The following ANK1 variants were observed in gnomAD, a reference collection of about 807,000 sequenced individuals.
ANK1 encodes ankyrin 1, also known as ankyrin-1.
ANK1 carries 51 observed loss-of-function variants against 210.4 expected under a neutral mutation model. That is an observed-to-expected ratio of 0.24 (90% CI 0.19 to 0.31). ANK1 has a LOEUF of 0.31. Ranked by LOEUF, ANK1 falls within the 10% of genes least tolerant of loss-of-function variation. The pLI is 1.00. For missense variants in ANK1, 2,051 were observed against 2,504.4 expected, an observed-to-expected ratio of 0.82 and a Z score of 3.86; for synonymous variants, 967 against 1,025.9, an observed-to-expected ratio of 0.94 and a Z score of 1.10.
intron 1 of ANK1, among the ~76,000 whole-genome samples, chr8:41,871,782 A>G (rs10102675): frequency 0.19 from 28,394 of 152,234 alleles, 5,551 homozygotes; most frequent in African/African-American, 0.49. Flanking sequence ...GACGCCATGC[A>G]TCTCAGCTCT....
chr8:41,690,092 C>G, intron 33 of ANK1, 135 bp downstream of exon 33: 2 of 1,419,706 alleles, frequency 1.4e-6, no homozygotes, highest in Non-Finnish European at 1.9e-6. Context: ...GAGCTCAGCA[C>G]CTTTGCATGC....
chr8:41,709,052 A>G, intron 16 of ANK1, 77 bp from the exon 17 acceptor site: 1 of 1,577,244 alleles, frequency 6.3e-7, no homozygotes, highest in Non-Finnish European at 8.7e-7. Flanking sequence ...GCAGGGGCTG[A>G]GTCTGGTTCT....
At chr8:41,759,427 A>T in intron 1 of ANK1, among the ~76,000 whole-genome samples, 1 of 151,922 alleles carries the variant, frequency 6.6e-6, no homozygotes, top group Non-Finnish European at 1.5e-5. Flanking sequence ...AATCGCTTGA[A>T]CCCGGGAGGT....
At chr8:41,727,669 C>T (rs899469302) in intron 4 of ANK1, among the ~76,000 whole-genome samples, 7 of 152,236 alleles carry the variant, frequency 4.6e-5, no homozygotes, top group Admixed American at 1.3e-4. Flanking sequence ...ACTGGACATA[C>T]TATTTGGCTT....
chr8:41,732,261 CGTGTAATATATACCAA>C (rs1252384799), intron 3 of ANK1, among the ~76,000 whole-genome samples: 1 of 151,592 alleles, frequency 6.6e-6, no homozygotes, highest in African/African-American at 2.4e-5. Flanking sequence ...TGTGAGACCA[CGTGTAATATATACCAA>C]AAGGAAAATA....
chr8:41,657,262 G>A (rs890519285), intron 42 of ANK1, among the ~76,000 whole-genome samples: 3 of 152,162 alleles, frequency 2.0e-5, no homozygotes, highest in African/African-American at 4.8e-5. Context: ...CATGAACTCT[G>A]GAGCCAGACC....
chr8:41,696,811 C>T, intron 24 of ANK1, 38 bp from the exon 25 acceptor site: 1 of 1,567,100 alleles, frequency 6.4e-7, no homozygotes, highest in Non-Finnish European at 8.7e-7. Context: ...CCCACCTCCT[C>T]CCGGGCCAGC....
At chr8:41,661,746 G>C in intron 41 of ANK1, 130 bp downstream of exon 41, 1 of 1,608,282 alleles carries the variant, frequency 6.2e-7, no homozygotes, top group Non-Finnish European at 8.5e-7. Flanking sequence ...CGGCCCGGCA[G>C]AGCAAGGCAG....
At chr8:41,874,623 A>G (rs1357377061) in intron 1 of ANK1, among the ~76,000 whole-genome samples, 1 of 152,192 alleles carries the variant, frequency 6.6e-6, no homozygotes, top group African/African-American at 2.4e-5. Context: ...AAGGTGTGCT[A>G]ACAAGGAGGT....
rs981603404 is a variant in ANK1 at position 41,686,351 on chromosome 8, C to A, written c.4259-68G>T. On this transcript the variant is annotated intron_variant, in intron 35 of 42. Transcript: ENST00000289734. ...CCAACAGCAGGGGGCCTCCAGCACA[C>A]AGGCTGGGTGGGCACTGGGGCGTGG... The A allele has an allele frequency of 3.9e-4, 621 of 1,605,804 alleles. 6 individuals are homozygous for A. The highest frequency in any genetic ancestry group is 6.5e-5 in the Non-Finnish European group (76 of 1,175,518).
chr8:41,744,536 C>CTTT (rs3063769), intron 2 of ANK1, among the ~76,000 whole-genome samples: 17 of 125,468 alleles, frequency 1.4e-4, no homozygotes, highest in African/African-American at 3.3e-4. Context: ...GATTTCTTTT[C>CTTT]TTTTTTTTTT....
chr8:41,743,683 G>A lies in ANK1; in HGVS notation c.130-9614C>T, dbSNP rs118122976. Among the ~76,000 whole-genome samples the A allele has an allele frequency of 2.0e-3, 310 of 152,312 alleles. 1 individual carries two copies. Among genetic ancestry groups the A allele is most frequent in the East Asian group, 0.01 (54 of 5,182 alleles). On this transcript the variant is annotated intron_variant, in intron 2 of 42. Coordinates refer to ENST00000289734, the MANE Select transcript of ANK1 (RefSeq NM_000037.4). The stretch of plus-strand genomic sequence containing the variant: ...GTCAGTGAATATGTTAAGGAGGACG[G>A]GCATCAGTGGCATTCAGGCCTCCTG...
intron 1 of ANK1, among the ~76,000 whole-genome samples, chr8:41,895,664 G>T (rs938351073): frequency 1.3e-5 from 2 of 152,136 alleles, no homozygotes; most frequent in Non-Finnish European, 2.9e-5. Flanking sequence ...GCTTCCAAAG[G>T]AACTTCCCCT....
At chr8:41,734,395 TA>T (rs766659165) in intron 2 of ANK1, among the ~76,000 whole-genome samples, 15 of 152,194 alleles carry the variant, frequency 9.9e-5, no homozygotes, top group Non-Finnish European at 2.1e-4. Context: ...CCCACTTAAT[TA>T]AAATGATGTA....
At chr8:41,781,211 G>T (rs1373618586) in intron 1 of ANK1, among the ~76,000 whole-genome samples, 1 of 152,128 alleles carries the variant, frequency 6.6e-6, no homozygotes, top group Non-Finnish European at 1.5e-5. Context: ...TGTGGAGTGG[G>T]TTCCATCTGT....
intron 42 of ANK1, among the ~76,000 whole-genome samples, chr8:41,656,017 G>A (rs1403433261): frequency 2.6e-5 from 4 of 152,260 alleles, no homozygotes; most frequent in African/African-American, 9.6e-5. Flanking sequence ...GAGTGTGCAA[G>A]TGTTCCAGGA....
chr8:41,723,778 T>TATTTTTTTTTTTTTA, intron 7 of ANK1, 145 bp from the exon 8 acceptor site: 1 of 547,366 alleles, frequency 1.8e-6, no homozygotes. Context: ...ATATTTTATT[T>TATTTTTTTTTTTTTA]TTTTTTATTT....
At chr8:41,836,868 T>C (rs530547613) in intron 1 of ANK1, among the ~76,000 whole-genome samples, 16 of 150,814 alleles carry the variant, frequency 1.1e-4, no homozygotes, top group Non-Finnish European at 1.8e-4. Flanking sequence ...TGCAGTGAGC[T>C]ATGATTGCAC....
chr8:41,750,685 T>A (rs1837493767), intron 2 of ANK1, among the ~76,000 whole-genome samples: 1 of 152,084 alleles, frequency 6.6e-6, no homozygotes, highest in East Asian at 1.9e-4. Flanking sequence ...TGCCTACAAT[T>A]TAGTGAAGAC....
Sources: allele counts gnomAD v4.1 joint callset (sites outside exome capture counted in the v4.1 genomes callset), GRCh38; gene constraint gnomAD v4.1.1; transcripts MANE v1.5; gene names NCBI Gene and HGNC (gene_info 2026-07-23, HGNC 2026-07-21).